The following FLRT2 variants were observed in gnomAD, a reference collection of about 807,000 sequenced individuals.
The protein encoded by FLRT2 is fibronectin leucine rich transmembrane protein 2.
FLRT2 carries 15 observed loss-of-function variants against 40.0 expected under a neutral mutation model. The ratio of observed to expected loss-of-function variants is 0.38; its 90% confidence interval spans 0.25 to 0.58. The LOEUF (loss-of-function observed/expected upper bound fraction) is 0.58. Ranked by LOEUF, FLRT2 falls within the 20% of genes least tolerant of loss-of-function variation. The pLI, the probability that FLRT2 is intolerant of heterozygous loss-of-function variation, is 0.71. For synonymous variants in FLRT2, 380 were observed against 336.8 expected, an observed-to-expected ratio of 1.13 and a Z score of -1.41; for missense variants, 726 against 840.0, an observed-to-expected ratio of 0.86 and a Z score of 1.68.
intron 1 of FLRT2, among the ~76,000 whole-genome samples, chr14:85,577,336 T>C (rs1016322578): frequency 2.6e-5 from 4 of 152,168 alleles, no homozygotes; most frequent in African/African-American, 9.7e-5. Context: ...AGATGACAAA[T>C]GAATCCATTT....
intron 1 of FLRT2, among the ~76,000 whole-genome samples, chr14:85,545,199 C>G (rs1301866258): frequency 6.6e-6 from 1 of 151,842 alleles, no homozygotes; most frequent in Non-Finnish European, 1.5e-5. Flanking sequence ...TCCAGAAGTC[C>G]AGTAATAACA....
rs562639531 is a variant in FLRT2, at chr14:85,619,747, G to A, written c.-376-1392G>A. Reference sequence around the variant, plus strand: ...CAGTTCGCCATGTCCTGTCATGTTAGCTTATTTTGTAGGGAAATCAAATCT... The same window carrying A: ...CAGTTCGCCATGTCCTGTCATGTTAACTTATTTTGTAGGGAAATCAAATCT... On this transcript the variant is annotated intron_variant, in intron 1 of 1. Transcript: ENST00000330753. Among the ~76,000 whole-genome samples, 11 of 152,260 alleles carry A rather than the reference G, an allele frequency of 7.2e-5. 1 individual carries two copies. In the South Asian group the frequency reaches 2.1e-3, roughly 29 times the overall value.
chr14:85,583,255 A>G (rs933082989), intron 1 of FLRT2, among the ~76,000 whole-genome samples: 1 of 152,222 alleles, frequency 6.6e-6, no homozygotes, highest in Non-Finnish European at 1.5e-5. Flanking sequence ...TTCATTTTGT[A>G]TACTGTGTTG....
rs966434357 is a variant in FLRT2 at position 85,633,887 on chromosome 14, A to T, written c.*10390A>T. The T allele has an allele frequency of 3.3e-5, 5 of 152,178 alleles. No individual in the cohort carries two copies. Among genetic ancestry groups the T allele is most frequent in the African/African-American group, 1.2e-4 (5 of 41,432 alleles). The allele number at this position is 152,178 out of a possible 1,614,324, so 9.4% of individuals were successfully genotyped here. On this transcript the variant is annotated 3_prime_UTR_variant, in exon 2 of 2. Transcript: ENST00000330753. Reference sequence around the variant, plus strand: ...ACATAGTTTTATTTGATGCTAGTACACCACCAATTACGGCATTTAAATCCA... The same window carrying T: ...ACATAGTTTTATTTGATGCTAGTACTCCACCAATTACGGCATTTAAATCCA...
rs72693210 is a variant in FLRT2 at position 85,591,648 on chromosome 14, G to A, written c.-376-29491G>A. Among the ~76,000 whole-genome samples, 553 of 152,318 alleles carry A rather than the reference G, an allele frequency of 3.6e-3. 2 individuals carry two copies. Among genetic ancestry groups the A allele is most frequent in the Non-Finnish European group, 6.5e-3 (440 of 68,038 alleles). On this transcript the variant is annotated intron_variant, in intron 1 of 1. Coordinates refer to ENST00000330753, the MANE Select transcript of FLRT2 (RefSeq NM_013231.6). Reference sequence around the variant, plus strand: ...TAATTAAGCACTTGAAATGTAACAGGTGAATCCTTAGGTGACTGGGAATCC... The same window carrying A: ...TAATTAAGCACTTGAAATGTAACAGATGAATCCTTAGGTGACTGGGAATCC...
Position 85,642,733 on chromosome 14 carries a change from CA to C in FLRT2, c.*19237del, listed in dbSNP as rs1894181418. On this transcript the variant is annotated 3_prime_UTR_variant, in exon 2 of 2. Transcript: ENST00000330753. ...ATGCAATGAGCTTACCCAACCAGCTCAGAGTGATTATAATTGTTTTGCTTTC... is the reference window on the plus strand; with the variant it reads ...ATGCAATGAGCTTACCCAACCAGCTCGAGTGATTATAATTGTTTTGCTTTC... 6.6e-6 allele frequency: 1 copy of C among 152,236 alleles called. No homozygotes were observed. Among genetic ancestry groups the C allele is most frequent in the East Asian group, 1.9e-4 (1 of 5,168 alleles). 9.4% of individuals were successfully genotyped at this position (152,236 alleles called of 1,614,324 possible).
rs1893862877 is a variant in FLRT2 at position 85,631,129 on chromosome 14, TG to T, written c.*7633del. 7.2e-6 allele frequency: 1 copy of T among 138,068 alleles called. No individual in the cohort carries two copies. The highest frequency in any genetic ancestry group is 1.5e-5 in the Non-Finnish European group (1 of 65,376). The allele number at this position is 138,068 out of a possible 1,614,324, so 8.6% of individuals were successfully genotyped here. A position where few individuals can be genotyped will look rare whatever the true frequency, so the allele number is the denominator to read the frequency against. On this transcript the variant is annotated 3_prime_UTR_variant, in exon 2 of 2. Transcript: ENST00000330753. The stretch of plus-strand genomic sequence containing the variant: ...TCTAGATTTTATATATATATATATA[TG>T]AAATGAGCAAACAAAATGCTTTCAG...
chr14:85,556,110 A>G (rs1199979541), intron 1 of FLRT2, among the ~76,000 whole-genome samples: 1 of 152,210 alleles, frequency 6.6e-6, no homozygotes, highest in Non-Finnish European at 1.5e-5. Flanking sequence ...ACTACATGGA[A>G]TATCTTCAAT....
At chr14:85,557,970 A>G (rs1348034679) in intron 1 of FLRT2, among the ~76,000 whole-genome samples, 1 of 152,196 alleles carries the variant, frequency 6.6e-6, no homozygotes, top group Non-Finnish European at 1.5e-5. Flanking sequence ...GAAATGAAAC[A>G]CGTAATGTAG....
At chr14:85,537,739 T>C (rs775857975) in intron 1 of FLRT2, among the ~76,000 whole-genome samples, 1 of 152,032 alleles carries the variant, frequency 6.6e-6, no homozygotes, top group Non-Finnish European at 1.5e-5. Flanking sequence ...TTCTGATGAA[T>C]ACAGAGACTT....
At chr14:85,597,096 A>G (rs1025561130) in intron 1 of FLRT2, among the ~76,000 whole-genome samples, 2 of 152,236 alleles carry the variant, frequency 1.3e-5, no homozygotes, top group Non-Finnish European at 1.5e-5. Flanking sequence ...GGCTTTGCTC[A>G]AAAGGTATGA....
intron 1 of FLRT2, among the ~76,000 whole-genome samples, chr14:85,540,775 C>CACAGAACTG (rs1888942121): frequency 6.6e-6 from 1 of 151,734 alleles, no homozygotes; most frequent in Non-Finnish European, 1.5e-5. Flanking sequence ...AGTATGTGGC[C>CACAGAACTG]ACAGAACTGT....
chr14:85,556,020 G>A (rs535150163), intron 1 of FLRT2, among the ~76,000 whole-genome samples: 4 of 152,250 alleles, frequency 2.6e-5, no homozygotes, highest in African/African-American at 4.8e-5. Flanking sequence ...TAGTACAGAC[G>A]GAAGGCATGT....
chr14:85,557,824 A>AATT (rs1555365938), intron 1 of FLRT2, among the ~76,000 whole-genome samples: 11,258 of 150,108 alleles, frequency 0.075, 518 homozygotes, highest in East Asian at 0.18. Context: ...TTCAATAAAT[A>AATT]AATAAATTAA....
At chr14:85,553,334 C>T (rs1019228760) in intron 1 of FLRT2, among the ~76,000 whole-genome samples, 1 of 152,050 alleles carries the variant, frequency 6.6e-6, no homozygotes, top group Admixed American at 6.6e-5. Flanking sequence ...CCCAGTAATC[C>T]ACGTGCTCTC....
chr14:85,615,549 A>G (rs17713712), intron 1 of FLRT2, among the ~76,000 whole-genome samples: 1 of 151,730 alleles, frequency 6.6e-6, no homozygotes, highest in Admixed American at 6.6e-5. Flanking sequence ...GTAAAGAGAA[A>G]TATCTGCCTA....
chr14:85,581,245 A>G (rs748685455), intron 1 of FLRT2, among the ~76,000 whole-genome samples: 2 of 152,172 alleles, frequency 1.3e-5, no homozygotes, highest in Non-Finnish European at 2.9e-5. Context: ...TTAGCTTCCC[A>G]TTTGTTTGAA....
At chr14:85,560,611 T>G (rs987843481) in intron 1 of FLRT2, among the ~76,000 whole-genome samples, 2 of 147,892 alleles carry the variant, frequency 1.4e-5, no homozygotes, top group South Asian at 2.2e-4. Context: ...AAGAAATAAA[T>G]AAAAAATAAA....
At chr14:85,532,142 C>T (rs1385793999) in intron 1 of FLRT2, among the ~76,000 whole-genome samples, 1 of 152,262 alleles carries the variant, frequency 6.6e-6, no homozygotes, top group East Asian at 1.9e-4. Flanking sequence ...CATCCTCAGC[C>T]TGTGGCGGCC....
Sources: gnomAD v4.1 joint callset for allele counts (sites outside exome capture counted in the v4.1 genomes callset) on GRCh38, gnomAD v4.1.1 for gene constraint, MANE v1.5 for transcripts, NCBI Gene and HGNC (gene_info 2026-07-23, HGNC 2026-07-21) for gene names.